KCNMA1: variants seen among roughly 807,000 people sequenced by gnomAD.
The protein encoded by KCNMA1 is potassium calcium-activated channel subfamily M alpha 1, also known as Calcium-activated potassium channel subunit alpha-1.
In KCNMA1, 29 loss-of-function variants were observed where a neutral mutation model predicts 140.0. The observed-to-expected ratio is 0.21, with a 90% CI of 0.15 to 0.28. The LOEUF is 0.28. Ranked by LOEUF, KCNMA1 falls within the 10% of genes least tolerant of loss-of-function variation. The pLI, the probability that KCNMA1 is intolerant of heterozygous loss-of-function variation, is 1.00. For missense variants in KCNMA1, 880 were observed against 1,602.2 expected (o/e 0.55, Z 7.70); for synonymous variants, 612 against 611.9 (o/e 1.00, Z 0.00).
chr10:76,938,363 C>A lies in KCNMA1; in HGVS notation c.2902+6410G>T, dbSNP rs186241042. Among the ~76,000 whole-genome samples, 37 of 152,314 alleles carry A rather than the reference C, an allele frequency of 2.4e-4. 1 individual carries two copies. Among genetic ancestry groups the A allele is most frequent in the Non-Finnish European group, 5.9e-5 (4 of 68,034 alleles). Reference sequence around the variant, plus strand: ...CCTCCACTCTGCCATCCTCTGACCCCCAGAAGGAAACACACATCCATGCAG... The same window carrying A: ...CCTCCACTCTGCCATCCTCTGACCCACAGAAGGAAACACACATCCATGCAG... On this transcript the variant is annotated intron_variant, in intron 23 of 27. Transcript: ENST00000286628.
intron 2 of KCNMA1, among the ~76,000 whole-genome samples, chr10:77,335,696 C>G (rs1449450608): frequency 6.6e-6 from 1 of 151,974 alleles, no homozygotes; most frequent in Non-Finnish European, 1.5e-5. Context: ...CTCAGCATCA[C>G]TTTATGTACC....
chr10:77,118,609 C>T (rs2097532810), intron 6 of KCNMA1, among the ~76,000 whole-genome samples: 1 of 152,162 alleles, frequency 6.6e-6, no homozygotes, highest in African/African-American at 2.4e-5. Flanking sequence ...AGTCAACCCC[C>T]ACCCTACCCC....
intron 3 of KCNMA1, among the ~76,000 whole-genome samples, chr10:77,204,174 T>A (rs539571432): frequency 6.6e-6 from 1 of 151,952 alleles, no homozygotes; most frequent in Admixed American, 6.6e-5. Context: ...ATTACTACAA[T>A]CCCTAGAGGA....
chr10:77,309,288 TG>T (rs1295122567), intron 2 of KCNMA1, among the ~76,000 whole-genome samples: 1 of 152,232 alleles, frequency 6.6e-6, no homozygotes, highest in Non-Finnish European at 1.5e-5. Context: ...CCTCCCAGCC[TG>T]AAGTACGCTC....
chr10:77,010,016 CT>C (rs2090309843), intron 18 of KCNMA1, among the ~76,000 whole-genome samples: 1 of 152,170 alleles, frequency 6.6e-6, no homozygotes, highest in African/African-American at 2.4e-5. Flanking sequence ...AAAATAGCAG[CT>C]CATCCAAAGA....
intron 1 of KCNMA1, chr10:77,636,316 A>G (rs1225351578): frequency 6.6e-7 from 1 of 1,512,400 alleles, no homozygotes; most frequent in African/African-American, 1.4e-5. Flanking sequence ...CAGACCAGGC[A>G]GTGAGCCTAG....
intron 1 of KCNMA1, among the ~76,000 whole-genome samples, chr10:77,436,957 T>TAC (rs10536103): frequency 0.038 from 5,090 of 134,778 alleles, 117 homozygotes; most frequent in African/African-American, 0.071. Context: ...CTTCTTTCTT[T>TAC]ACACACACAC....
chr10:77,101,247 G>A (rs182819544), intron 9 of KCNMA1, among the ~76,000 whole-genome samples: 3 of 152,154 alleles, frequency 2.0e-5, no homozygotes, highest in Non-Finnish European at 1.5e-5. Context: ...AATGACAAGC[G>A]CTTTGGGTAT....
chr10:77,202,482 C>T (rs1481421005), intron 3 of KCNMA1, among the ~76,000 whole-genome samples: 3 of 152,160 alleles, frequency 2.0e-5, no homozygotes, highest in Non-Finnish European at 4.4e-5. Flanking sequence ...TCTTCCTTCA[C>T]GTACAGTTGG....
intron 2 of KCNMA1, among the ~76,000 whole-genome samples, chr10:77,387,585 C>CTCTTTTCTTT (rs138520830): frequency 1.4e-5 from 2 of 143,382 alleles, no homozygotes; most frequent in African/African-American, 5.3e-5. Context: ...TTTTTCTTTT[C>CTCTTTTCTTT]TCTTTTCTTT....
chr10:77,088,006 A>G (rs1316469143), intron 10 of KCNMA1, among the ~76,000 whole-genome samples: 1 of 152,188 alleles, frequency 6.6e-6, no homozygotes, highest in African/African-American at 2.4e-5. Flanking sequence ...TATCTCTGTC[A>G]CACAGACTGC....
At chr10:76,901,609 C>A (rs1249751513) in intron 25 of KCNMA1, 1 of 152,182 alleles carries the variant, frequency 6.6e-6, no homozygotes, top group Admixed American at 6.5e-5. Flanking sequence ...CTTGGTTTAG[C>A]CTGAAATTGT....
chr10:77,252,760 C>T (rs2059929994), intron 2 of KCNMA1, among the ~76,000 whole-genome samples: 1 of 151,930 alleles, frequency 6.6e-6, no homozygotes, highest in Non-Finnish European at 1.5e-5. Flanking sequence ...CAGAAAATGA[C>T]CATTAAAAAC....
chr10:77,000,854 G>GA (rs147198441), intron 19 of KCNMA1, among the ~76,000 whole-genome samples: 1 of 10,518 alleles, frequency 9.5e-5, no homozygotes, highest in Non-Finnish European at 2.0e-4. Context: ...ATAGTAAAAA[G>GA]AAAATATATA....
chr10:77,357,530 C>T (rs1040964045), intron 2 of KCNMA1, among the ~76,000 whole-genome samples: 1 of 152,180 alleles, frequency 6.6e-6, no homozygotes, highest in Admixed American at 6.6e-5. Context: ...TCCTGTATTC[C>T]CCTGGTTCCT....
intron 5 of KCNMA1, among the ~76,000 whole-genome samples, chr10:77,182,526 TG>T (rs1388417399): frequency 6.6e-6 from 1 of 152,212 alleles, no homozygotes; most frequent in Non-Finnish European, 1.5e-5. Context: ...GAGGCAGTGA[TG>T]GAGGCAAGGG....
At chr10:76,894,729 G>C (rs1017821145) in intron 25 of KCNMA1, among the ~76,000 whole-genome samples, 2 of 152,226 alleles carry the variant, frequency 1.3e-5, no homozygotes, top group Middle Eastern at 3.4e-3. Flanking sequence ...AGGCTCAACA[G>C]CTCTAGTCAT....
At chr10:77,392,937 CT>C (rs2095884450) in intron 2 of KCNMA1, among the ~76,000 whole-genome samples, 1 of 152,220 alleles carries the variant, frequency 6.6e-6, no homozygotes, top group Non-Finnish European at 1.5e-5. Flanking sequence ...TAAGACTCAT[CT>C]GTTGTCCTGC....
chr10:76,900,354 G>A (rs982418497), intron 25 of KCNMA1, among the ~76,000 whole-genome samples: 1 of 151,910 alleles, frequency 6.6e-6, no homozygotes. Context: ...CTTCCAGAGG[G>A]AAAAATAATG....
Sources: allele counts gnomAD v4.1 joint callset (sites outside exome capture counted in the v4.1 genomes callset), GRCh38; gene constraint gnomAD v4.1.1; transcripts MANE v1.5; gene names NCBI Gene and HGNC (gene_info 2026-07-23, HGNC 2026-07-21).